RGS8: variants seen among roughly 807,000 people sequenced by gnomAD.
RGS8 encodes regulator of G protein signaling 8.
Under a neutral mutation model 21.7 loss-of-function variants are expected in RGS8, and 8 were observed. The ratio of observed to expected loss-of-function variants is 0.37; its 90% CI spans 0.22 to 0.66. RGS8 has a LOEUF of 0.66. RGS8 is among the 30% of genes least tolerant of loss of function. The probability of loss-of-function intolerance (pLI) is 0.59; values close to 1 mark genes in which losing one functional copy is unlikely to be tolerated. For missense variants in RGS8, 157 were observed against 217.9 expected, an observed-to-expected ratio of 0.72 and a Z score of 1.76; for synonymous variants, 80 against 83.6, an observed-to-expected ratio of 0.96 and a Z score of 0.24.
the RGS8 span, among the ~76,000 whole-genome samples, chr1:182,705,033 T>A: frequency 6.6e-6 from 1 of 152,196 alleles, no homozygotes; most frequent in South Asian, 2.1e-4. Context: ...TGAAACAACA[T>A]ATCATTATGT....
chr1:182,750,212 T>C, the RGS8 span, among the ~76,000 whole-genome samples: 2 of 152,206 alleles, frequency 1.3e-5, no homozygotes, highest in African/African-American at 4.8e-5. Flanking sequence ...TTCTTTTTAC[T>C]CTACAAAACT....
upstream of RGS8, chr1:182,672,905 G>T: frequency 3.2e-6 from 5 of 1,561,932 alleles, no homozygotes; most frequent in Non-Finnish European, 4.4e-6. Flanking sequence ...TCCAAGCGTG[G>T]TCCCTGAACC....
At chr1:182,687,371 G>A (rs7541043), upstream of RGS8, among the ~76,000 whole-genome samples, 27,786 of 152,232 alleles carry the variant, frequency 0.18, 3,937 homozygotes, top group African/African-American at 0.4. Context: ...AAAGATGCCA[G>A]TGTTGCTGGT....
At chr1:182,742,189 G>A in the RGS8 span, among the ~76,000 whole-genome samples, 1 of 150,794 alleles carries the variant, frequency 6.6e-6, no homozygotes, top group Admixed American at 6.6e-5. Flanking sequence ...ATGGCGGCCG[G>A]GAAGAGGCGC....
chr1:182,703,623 C>T, the RGS8 span, among the ~76,000 whole-genome samples: 241 of 152,182 alleles, frequency 1.6e-3, 1 homozygote, highest in Non-Finnish European at 2.9e-3. Flanking sequence ...TCAGCTATAA[C>T]CTGATTATCT....
At chr1:182,673,330 A>T (rs1664251668), upstream of RGS8, among the ~76,000 whole-genome samples, 1 of 152,228 alleles carries the variant, frequency 6.6e-6, no homozygotes, top group Non-Finnish European at 1.5e-5. Context: ...TTCCCATGTT[A>T]CAGATGAAAA....
chr1:182,671,194 T>C (rs1196107133), intron 2 of RGS8, among the ~76,000 whole-genome samples: 1 of 152,112 alleles, frequency 6.6e-6, no homozygotes, highest in Non-Finnish European at 1.5e-5. Flanking sequence ...CTGCCCAAAT[T>C]GCTGCTCAGA....
chr1:182,660,610 T>C (rs1191064688), intron 5 of RGS8, among the ~76,000 whole-genome samples: 1 of 150,946 alleles, frequency 6.6e-6, no homozygotes, highest in East Asian at 1.9e-4. Context: ...GGATTCACAA[T>C]GTACTGCTAG....
chr1:182,725,438 A>G, the RGS8 span, among the ~76,000 whole-genome samples: 5 of 152,202 alleles, frequency 3.3e-5, no homozygotes, highest in African/African-American at 4.8e-5. Flanking sequence ...TAGACCAACA[A>G]GAGCATCTGA....
At chr1:182,720,663 T>A in the RGS8 span, among the ~76,000 whole-genome samples, 50 of 152,096 alleles carry the variant, frequency 3.3e-4, no homozygotes, top group African/African-American at 1.1e-3. Flanking sequence ...GCCCAGTACA[T>A]TCCTTCCTCT....
At chr1:182,647,447 A>G (rs1413801169) in intron 6 of RGS8, among the ~76,000 whole-genome samples, 1 of 152,240 alleles carries the variant, frequency 6.6e-6, no homozygotes, top group Non-Finnish European at 1.5e-5. Flanking sequence ...CTCGCATCCC[A>G]AGTCAAAGCA....
chr1:182,720,920 CATATAT>C, the RGS8 span, among the ~76,000 whole-genome samples: 1 of 52,182 alleles, frequency 1.9e-5, no homozygotes, highest in African/African-American at 1.0e-4. Context: ...TGTGTATATA[CATATAT>C]ACATATATAC....
chr1:182,699,724 G>A, the RGS8 span, among the ~76,000 whole-genome samples: 1 of 152,162 alleles, frequency 6.6e-6, no homozygotes, highest in Non-Finnish European at 1.5e-5. Context: ...AGGGATACAG[G>A]CAAAATCCCC....
At chr1:182,649,467 T>C (rs1273898453) in intron 5 of RGS8, among the ~76,000 whole-genome samples, 2 of 152,222 alleles carry the variant, frequency 1.3e-5, no homozygotes, top group Admixed American at 6.5e-5. Flanking sequence ...TTTTATTCCA[T>C]GTGTCCTTTA....
At chr1:182,745,665 T>C in the RGS8 span, among the ~76,000 whole-genome samples, 1 of 152,242 alleles carries the variant, frequency 6.6e-6, no homozygotes, top group Non-Finnish European at 1.5e-5. Flanking sequence ...AAACCATTTG[T>C]CATATTTGAT....
chr1:182,683,201 G>T (rs1232621445), intron 1 of RGS8, among the ~76,000 whole-genome samples: 1 of 152,204 alleles, frequency 6.6e-6, no homozygotes, highest in Non-Finnish European at 1.5e-5. Context: ...CTCTAAGAAT[G>T]GGTGGAGAAC....
At chr1:182,698,438 T>G in the RGS8 span, among the ~76,000 whole-genome samples, 1 of 152,190 alleles carries the variant, frequency 6.6e-6, no homozygotes, top group Non-Finnish European at 1.5e-5. Context: ...GGGTCAAAAA[T>G]TAGTTGATAT....
At chr1:182,660,322 A>G (rs1190048582) in intron 5 of RGS8, among the ~76,000 whole-genome samples, 2 of 152,158 alleles carry the variant, frequency 1.3e-5, no homozygotes, top group Non-Finnish European at 2.9e-5. Flanking sequence ...AAGCCTGTCC[A>G]GTTGTTTTCA....
chr1:182,670,557 C>G (rs1361621433), intron 2 of RGS8, among the ~76,000 whole-genome samples: 1 of 152,114 alleles, frequency 6.6e-6, no homozygotes, highest in Non-Finnish European at 1.5e-5. Context: ...GGAGAGCAGC[C>G]TATCCATAAA....
Sources: allele counts gnomAD v4.1 joint callset (sites outside exome capture counted in the v4.1 genomes callset), GRCh38; gene constraint gnomAD v4.1.1; transcripts MANE v1.5; gene names NCBI Gene and HGNC (gene_info 2026-07-23, HGNC 2026-07-21).